The following PLEKHG1 variants were observed in gnomAD, a reference collection of about 807,000 sequenced individuals.
PLEKHG1 encodes the protein pleckstrin homology domain-containing family G member 1.
In PLEKHG1, 44 loss-of-function variants were observed where a neutral mutation model predicts 100.8. The observed-to-expected ratio is 0.44, with a 90% confidence interval of 0.34 to 0.56. The LOEUF is 0.56. Ranked by LOEUF, PLEKHG1 falls within the 20% of genes least tolerant of loss-of-function variation. PLEKHG1 has a pLI of 0.01. For missense variants in PLEKHG1, 1,545 were observed against 1,720.9 expected, an observed-to-expected ratio of 0.90 and a Z score of 1.81; for synonymous variants, 640 against 662.5, an observed-to-expected ratio of 0.97 and a Z score of 0.52.
In PLEKHG1 at chr6:150,819,686, AG is replaced by A; in HGVS notation, c.1322del (p.Gly441AlafsTer25). On this transcript the variant is annotated frameshift_variant, in exon 12 of 16. Transcript: ENST00000358517. LOFTEE classifies it high-confidence loss of function. ...ACGTGGTTATCTTTACAGATCATCC[AG>A]GCTTCTGTTACAGTCCTGAGGGAGG... The A allele has an allele frequency of 6.2e-7, 1 of 1,604,250 alleles. No individual in the cohort carries two copies.
chr6:150,669,630 CT>C (rs1779519517), intron 3 of PLEKHG1, among the ~76,000 whole-genome samples: 1 of 123,766 alleles, frequency 8.1e-6, no homozygotes, highest in African/African-American at 3.1e-5. Context: ...GAGTTTTGCT[CT>C]TGTTGCCCAG....
chr6:150,626,581 T>C (rs62434102), intron 1 of PLEKHG1, among the ~76,000 whole-genome samples: 11,430 of 152,258 alleles, frequency 0.075, 537 homozygotes, highest in Non-Finnish European at 0.1. Context: ...TCTGATGCTT[T>C]AAGGGCTTCA....
chr6:150,638,235 C>G (rs6927676), intron 2 of PLEKHG1: 8,880 of 152,396 alleles, frequency 0.058, 360 homozygotes, highest in South Asian at 0.12. Context: ...TTTCTGTTTT[C>G]CACCAAGGCC....
intron 7 of PLEKHG1, among the ~76,000 whole-genome samples, chr6:150,807,557 A>G (rs1277668223): frequency 2.0e-5 from 3 of 152,254 alleles, no homozygotes; most frequent in Admixed American, 6.5e-5. Context: ...TTCATATACA[A>G]TAAATCCCAC....
chr6:150,674,632 CCTCTCTCTCTCT>C lies in PLEKHG1; in HGVS notation c.-99+23886_-99+23897del, dbSNP rs756355880. Among the ~76,000 whole-genome samples the C allele has an allele frequency of 1.3e-3, 85 of 66,340 alleles. 1 individual carries two copies. Among genetic ancestry groups the C allele is most frequent in the African/African-American group, 3.6e-3 (53 of 14,684 alleles). The allele number at this position is 66,340 out of a possible 152,430, so 43.5% of individuals were successfully genotyped here. ...CACCTGTAACTTTCTCTCTCTCCTCCCTCTCTCTCTCTCTCTCTCTCTCTCTCTCTCTCTCTC... is the reference window on the plus strand; with the variant it reads ...CACCTGTAACTTTCTCTCTCTCCTCCCTCTCTCTCTCTCTCTCTCTCTCTC... On this transcript the variant is annotated intron_variant, in intron 3 of 3. Coordinates refer to the PLEKHG1 transcript ENST00000367326.
intron 2 of PLEKHG1, among the ~76,000 whole-genome samples, chr6:150,761,217 T>A (rs1417116873): frequency 6.7e-6 from 1 of 149,368 alleles, no homozygotes; most frequent in East Asian, 2.0e-4. Context: ...GCGATTCTCC[T>A]GCCTCGGCCT....
intron 1 of PLEKHG1, among the ~76,000 whole-genome samples, chr6:150,609,916 C>G (rs764157217): frequency 1.3e-5 from 2 of 152,132 alleles, no homozygotes; most frequent in East Asian, 1.9e-4. Context: ...TCACGGTCGC[C>G]GTTTCCCACG....
intron 3 of PLEKHG1, among the ~76,000 whole-genome samples, chr6:150,674,112 A>G (rs1779662391): frequency 6.6e-6 from 1 of 152,192 alleles, no homozygotes; most frequent in African/African-American, 2.4e-5. Context: ...ATCAGTGTTT[A>G]TTAATCCCAG....
chr6:150,815,688 C>T (rs1217502223), intron 10 of PLEKHG1, among the ~76,000 whole-genome samples: 1 of 151,836 alleles, frequency 6.6e-6, no homozygotes, highest in East Asian at 1.9e-4. Context: ...TCCCCCAAGC[C>T]CCACACTTTT....
intron 1 of PLEKHG1, among the ~76,000 whole-genome samples, chr6:150,603,165 G>T (rs1776439299): frequency 6.6e-6 from 1 of 151,452 alleles, no homozygotes; most frequent in South Asian, 2.1e-4. Flanking sequence ...TTTCTAATGC[G>T]AAATGTTGGT....
At chr6:150,643,089 G>T (rs1407100776) in intron 2 of PLEKHG1, among the ~76,000 whole-genome samples, 1 of 152,092 alleles carries the variant, frequency 6.6e-6, no homozygotes, top group African/African-American at 2.4e-5. Flanking sequence ...AAAACAGAGA[G>T]ACATACCAAG....
chr6:150,794,810 C>T (rs1786220010), intron 4 of PLEKHG1, among the ~76,000 whole-genome samples: 1 of 151,842 alleles, frequency 6.6e-6, no homozygotes. Context: ...TGAGGTTGGA[C>T]GATGGAAACT....
chr6:150,703,451 A>C (rs1780880025), intron 3 of PLEKHG1, among the ~76,000 whole-genome samples: 1 of 151,954 alleles, frequency 6.6e-6, no homozygotes, highest in Non-Finnish European at 1.5e-5. Flanking sequence ...AAATACAAAA[A>C]TTAGCCAGGC....
chr6:150,611,915 CAAGAG>C (rs1776848451), intron 1 of PLEKHG1, among the ~76,000 whole-genome samples: 1 of 151,826 alleles, frequency 6.6e-6, no homozygotes, highest in Admixed American at 6.6e-5. Context: ...CAAAATAAGT[CAAGAG>C]AAAAACTCTG....
upstream of PLEKHG1, chr6:150,721,006 A>G (rs1781645847): frequency 2.4e-5 from 5 of 209,178 alleles, no homozygotes; most frequent in Admixed American, 6.5e-5. Flanking sequence ...CACTAGGGGG[A>G]AAAAGGCAGT....
chr6:150,743,480 T>G (rs1429798300), intron 2 of PLEKHG1, among the ~76,000 whole-genome samples: 1 of 152,152 alleles, frequency 6.6e-6, no homozygotes, highest in Non-Finnish European at 1.5e-5. Context: ...AAGCTGAGAT[T>G]GCATCACTGC....
rs1554276213 is a variant in PLEKHG1 at position 150,804,155 on chromosome 6, T to TCTATATA, written c.781-455_781-454insCTATATA. On this transcript the variant is annotated intron_variant, in intron 6 of 15. Coordinates refer to ENST00000358517, the Ensembl canonical transcript of PLEKHG1. ...AGAATGATGCTGGTGTGTAAATATTTTATATATATATATATATATATTTTT... is the reference window on the plus strand; with the variant it reads ...AGAATGATGCTGGTGTGTAAATATTTCTATATATATATATATATATATATATATTTTT... Among the ~76,000 whole-genome samples, 198 of 30,256 alleles carry TCTATATA rather than the reference T, an allele frequency of 6.5e-3. 5 individuals carry two copies. The highest frequency in any genetic ancestry group is 0.027 in the African/African-American group (190 of 7,020). 19.8% of individuals were successfully genotyped at this position (30,256 alleles called of 152,430 possible).
At chr6:150,762,235 G>C (rs1025075020) in intron 2 of PLEKHG1, among the ~76,000 whole-genome samples, 1 of 150,604 alleles carries the variant, frequency 6.6e-6, no homozygotes, top group Non-Finnish European at 1.5e-5. Flanking sequence ...TGTTGCCCAG[G>C]CTGGAGTGCA....
chr6:150,649,808 G>A (rs1218985639), intron 2 of PLEKHG1, among the ~76,000 whole-genome samples: 1 of 152,022 alleles, frequency 6.6e-6, no homozygotes, highest in Non-Finnish European at 1.5e-5. Flanking sequence ...TCAGGAGATC[G>A]AGACCATCCT....
Sources: allele counts gnomAD v4.1 joint callset (sites outside exome capture counted in the v4.1 genomes callset), GRCh38; gene constraint gnomAD v4.1.1; transcripts MANE v1.5; gene names NCBI Gene and HGNC (gene_info 2026-07-23, HGNC 2026-07-21).